The following CNTNAP2 variants were observed in gnomAD, a reference collection of about 807,000 sequenced individuals.
CNTNAP2 encodes contactin-associated protein-like 2.
CNTNAP2 carries 98 observed loss-of-function variants against 155.2 expected under a neutral mutation model. That is an observed-to-expected ratio of 0.63 (90% CI 0.54 to 0.75). The LOEUF (loss-of-function observed/expected upper bound fraction) is 0.75. Ranked by LOEUF, CNTNAP2 falls within the 30% of genes least tolerant of loss-of-function variation. The pLI, the probability that CNTNAP2 is intolerant of heterozygous loss-of-function variation, is 0.00. For missense variants in CNTNAP2, 1,727 were observed against 1,688.1 expected, an observed-to-expected ratio of 1.02 and a Z score of -0.40; for synonymous variants, 651 against 631.2, an observed-to-expected ratio of 1.03 and a Z score of -0.47.
At chr7:146,949,593 A>T (rs1797267288) in intron 3 of CNTNAP2, among the ~76,000 whole-genome samples, 1 of 152,254 alleles carries the variant, frequency 6.6e-6, no homozygotes, top group Admixed American at 6.5e-5. Flanking sequence ...CCCTTGCATT[A>T]TTTAGTCATA....
intron 1 of CNTNAP2, among the ~76,000 whole-genome samples, chr7:146,234,474 C>T (rs1199880054): frequency 6.9e-6 from 1 of 145,404 alleles, no homozygotes; most frequent in African/African-American, 2.5e-5. Context: ...TAATTAGATC[C>T]CATTTGTCAA....
intron 1 of CNTNAP2, among the ~76,000 whole-genome samples, chr7:146,663,277 C>CAAAAAA (rs543257224): frequency 1.8e-4 from 6 of 33,168 alleles, no homozygotes; most frequent in Admixed American, 3.6e-4. Context: ...AACTCCATCT[C>CAAAAAA]AAAAAAAAAA....
At chr7:146,549,058 CTT>C (rs565332134) in intron 1 of CNTNAP2, among the ~76,000 whole-genome samples, 31 of 136,500 alleles carry the variant, frequency 2.3e-4, no homozygotes, top group Admixed American at 2.9e-4. Context: ...GTCCAATTTC[CTT>C]TTTTTTTTTT....
chr7:147,577,076 G>A (rs1404349899), intron 12 of CNTNAP2, among the ~76,000 whole-genome samples: 1 of 152,100 alleles, frequency 6.6e-6, no homozygotes, highest in South Asian at 2.1e-4. Context: ...ACATAAAGCA[G>A]TCAGTTTGGA....
At chr7:147,584,359 T>C (rs1301288572) in intron 12 of CNTNAP2, among the ~76,000 whole-genome samples, 2 of 152,196 alleles carry the variant, frequency 1.3e-5, no homozygotes, top group Non-Finnish European at 2.9e-5. Context: ...ATTTTAGAAA[T>C]ACTAGGAGCA....
intron 10 of CNTNAP2, among the ~76,000 whole-genome samples, chr7:147,429,717 A>T (rs1797436157): frequency 6.6e-6 from 1 of 152,158 alleles, no homozygotes; most frequent in Non-Finnish European, 1.5e-5. Flanking sequence ...TCTTTGATCC[A>T]TCTTGAGTTG....
chr7:146,249,950 T>C (rs976658196), intron 1 of CNTNAP2, among the ~76,000 whole-genome samples: 2 of 152,218 alleles, frequency 1.3e-5, no homozygotes, highest in Admixed American at 6.5e-5. Flanking sequence ...CAGTGAAACA[T>C]TTTCTCTTCA....
At chr7:146,564,942 A>G (rs1035902625) in intron 1 of CNTNAP2, among the ~76,000 whole-genome samples, 7 of 152,160 alleles carry the variant, frequency 4.6e-5, no homozygotes, top group African/African-American at 1.7e-4. Flanking sequence ...AAGTTAAGTG[A>G]CTGCTCAAGA....
intron 1 of CNTNAP2, among the ~76,000 whole-genome samples, chr7:146,245,835 C>A (rs1490162785): frequency 4.7e-5 from 7 of 150,380 alleles, no homozygotes; most frequent in Admixed American, 3.9e-4. Flanking sequence ...GCTGGGATGA[C>A]GGGTGCAAAG....
intron 8 of CNTNAP2, among the ~76,000 whole-genome samples, chr7:147,165,255 T>C (rs1802093840): frequency 6.6e-6 from 1 of 152,170 alleles, no homozygotes; most frequent in Non-Finnish European, 1.5e-5. Context: ...ATTAGTGACA[T>C]TGAGCATTTT....
chr7:148,184,008 A>G (rs192381706), intron 18 of CNTNAP2, among the ~76,000 whole-genome samples: 24 of 152,318 alleles, frequency 1.6e-4, no homozygotes, highest in Non-Finnish European at 7.4e-5. Context: ...CTCAAAATAC[A>G]CGTCTCCTTG....
intron 15 of CNTNAP2, among the ~76,000 whole-genome samples, chr7:148,036,553 C>CT (rs1173650586): frequency 2.0e-5 from 3 of 152,160 alleles, no homozygotes; most frequent in African/African-American, 7.2e-5. Flanking sequence ...AGAAGGCCCT[C>CT]ACAAGACACG....
At chr7:147,225,917 A>C in intron 8 of CNTNAP2, among the ~76,000 whole-genome samples, 1 of 128,864 alleles carries the variant, frequency 7.8e-6, no homozygotes, top group African/African-American at 2.8e-5. Context: ...GAAGGAAGGA[A>C]GGAAAGAAGG....
chr7:147,588,126 TTTATAAA>T (rs1800667723), intron 12 of CNTNAP2, among the ~76,000 whole-genome samples: 1 of 152,182 alleles, frequency 6.6e-6, no homozygotes, highest in African/African-American at 2.4e-5. Flanking sequence ...ATAAAGCTAC[TTTATAAA>T]TTATGAATTT....
chr7:147,422,935 A>T (rs950097229), intron 10 of CNTNAP2, among the ~76,000 whole-genome samples: 5 of 152,216 alleles, frequency 3.3e-5, no homozygotes, highest in African/African-American at 9.7e-5. Flanking sequence ...TACTGCATAC[A>T]AGTTGGCAAA....
At chr7:146,232,248 C>A (rs1052006340) in intron 1 of CNTNAP2, among the ~76,000 whole-genome samples, 1 of 149,972 alleles carries the variant, frequency 6.7e-6, no homozygotes, top group Admixed American at 6.7e-5. Context: ...GAAAAGATGC[C>A]CTGAATGCCT....
intron 3 of CNTNAP2, among the ~76,000 whole-genome samples, chr7:146,928,096 C>A: frequency 6.6e-6 from 1 of 151,862 alleles, no homozygotes; most frequent in Non-Finnish European, 1.5e-5. Context: ...TGGTATTTCT[C>A]TTTGTCATTG....
In CNTNAP2 at chr7:147,389,584, G is replaced by A. The variant is rs570217691; in HGVS notation, c.1499-6025G>A. On this transcript the variant is annotated intron_variant, in intron 9 of 23. Coordinates refer to ENST00000361727, the MANE Select transcript of CNTNAP2 (RefSeq NM_014141.6). ...AGCAAGAATAGCAATATACTGAGTG[G>A]ACTTCAAATCAAGTATGAAGTTTTT... 2.6e-5 allele frequency among the ~76,000 whole-genome samples: 4 copies of A among 152,276 alleles called. No individual in the cohort carries two copies. The South Asian group carries it at 8.3e-4, about 32-fold the overall frequency.
rs78649651 is a variant in CNTNAP2, at chr7:148,123,633, C to A, written c.2554+5345C>A. On this transcript the variant is annotated intron_variant, in intron 16 of 23. Transcript: ENST00000361727. The stretch of plus-strand genomic sequence containing the variant: ...AGGAAGGGAGACAAGGAAGGGAGAG[C>A]AGGAAGGAAGGAAGGAAGGAAGGAA... Among the ~76,000 whole-genome samples, 1,014 of 118,410 alleles carry A rather than the reference C, an allele frequency of 8.6e-3. 21 individuals are homozygous for A. The highest frequency in any genetic ancestry group is 0.032 in the African/African-American group (943 of 29,760). 77.7% of individuals were successfully genotyped at this position (118,410 alleles called of 152,430 possible).
Sources: gnomAD v4.1 joint callset for allele counts (sites outside exome capture counted in the v4.1 genomes callset) on GRCh38, gnomAD v4.1.1 for gene constraint, MANE v1.5 for transcripts, NCBI Gene and HGNC (gene_info 2026-07-23, HGNC 2026-07-21) for gene names.